The following PDE3A variants were observed in gnomAD, a reference collection of about 807,000 sequenced individuals.
The protein encoded by PDE3A is phosphodiesterase 3A, also known as cGMP-inhibited 3',5'-cyclic phosphodiesterase 3A.
A neutral mutation model predicts 98.3 loss-of-function variants in PDE3A; 43 were observed. The ratio of observed to expected loss-of-function variants is 0.44; its 90% CI spans 0.34 to 0.56. The LOEUF is 0.56. PDE3A is among the 20% of genes least tolerant of loss of function. PDE3A has a pLI of 0.01. For missense variants in PDE3A, 1,427 were observed against 1,440.7 expected (o/e 0.99, Z 0.15); for synonymous variants, 663 against 567.9 (o/e 1.17, Z -2.38).
intron 5 of PDE3A, among the ~76,000 whole-genome samples, chr12:20,623,255 A>G (rs1944178781): frequency 1.3e-5 from 2 of 151,326 alleles, no homozygotes; most frequent in African/African-American, 4.9e-5. Context: ...TACATGATAT[A>G]TGTAATCATA....
intron 1 of PDE3A, among the ~76,000 whole-genome samples, chr12:20,372,433 G>A (rs1268230272): frequency 3.3e-5 from 5 of 151,996 alleles, no homozygotes; most frequent in Admixed American, 2.6e-4. Context: ...TGTCACTGAA[G>A]ACTGGTTTTT....
chr12:20,649,569 T>C (rs1944867347), intron 13 of PDE3A, among the ~76,000 whole-genome samples: 1 of 152,166 alleles, frequency 6.6e-6, no homozygotes, highest in African/African-American at 2.4e-5. Flanking sequence ...ACCTCAAAAG[T>C]AAATGCCCAA....
chr12:20,553,133 A>G, intron 1 of PDE3A: 2 of 822,102 alleles, frequency 2.4e-6, no homozygotes, highest in Non-Finnish European at 3.7e-6. Flanking sequence ...TTCCCTAAAA[A>G]GGTTTGTCTT....
chr12:20,573,433 T>C (rs147250280), intron 2 of PDE3A, among the ~76,000 whole-genome samples: 50 of 151,646 alleles, frequency 3.3e-4, no homozygotes, highest in South Asian at 6.2e-4. Context: ...ATTATTATTA[T>C]ACCTTTACCT....
At position 20,449,754 on chromosome 12, in the gene PDE3A, G is replaced by GT. The variant is rs1591945057; in HGVS notation, c.960+79510_960+79511insT. 18 of 477,620 alleles carry GT rather than the reference G, an allele frequency of 3.8e-5. No homozygotes were observed. In the East Asian group the frequency reaches 5.5e-4, roughly 14 times the overall value. 29.6% of individuals were successfully genotyped at this position (477,620 alleles called of 1,614,324 possible). A position where few individuals can be genotyped will look rare whatever the true frequency, so the allele number is the denominator to read the frequency against. ...TCAGCCTGAAGTGGATGCTCAGGCT[G>GT]GGGGTCATTCACCAGTGCTGTGAGG... On this transcript the variant is annotated intron_variant, in intron 1 of 15. Coordinates refer to ENST00000359062, the MANE Select transcript of PDE3A (RefSeq NM_000921.5).
chr12:20,382,794 C>G (rs1360223074), intron 1 of PDE3A, among the ~76,000 whole-genome samples: 1 of 151,900 alleles, frequency 6.6e-6, no homozygotes, highest in African/African-American at 2.4e-5. Context: ...AAACACTGTG[C>G]CCAGCTGAAC....
intron 1 of PDE3A, among the ~76,000 whole-genome samples, chr12:20,442,912 C>A (rs540547881): frequency 1.3e-5 from 2 of 152,068 alleles, no homozygotes; most frequent in African/African-American, 2.4e-5. Context: ...AAAGCAGTGT[C>A]ACAGAAAATA....
intron 1 of PDE3A, among the ~76,000 whole-genome samples, chr12:20,477,019 T>A (rs1945542573): frequency 6.6e-6 from 1 of 152,184 alleles, no homozygotes; most frequent in African/African-American, 2.4e-5. Flanking sequence ...TGTTAACTAC[T>A]AATACTATTT....
chr12:20,646,762 G>A lies in PDE3A; in HGVS notation c.2377G>A (p.Gly793Arg). The A allele has an allele frequency of 6.2e-7, 1 of 1,602,486 alleles. No homozygotes were observed. ...GSTSDSDSDS[G>R]FTHGHMGYVF... The stretch of plus-strand genomic sequence containing the variant: ...TTTTCTCTTCTCAGATTCTGACAGT[G>A]GATTTACACATGGACATATGGGATA... Residue 793 changes from glycine to arginine, a missense_variant, in exon 12 of 16, where the codon GGA (glycine) becomes AGA (arginine). Physicochemically the swap from Gly to Arg is moderately radical, Grantham distance 125. This residue lies in a region of PDE3A where 273 missense variants were observed against 420.3 expected (regional missense o/e 0.65). Coordinates refer to ENST00000359062, the MANE Select transcript of PDE3A (RefSeq NM_000921.5).
At chr12:20,462,056 A>G (rs1289614485) in intron 1 of PDE3A, among the ~76,000 whole-genome samples, 2 of 152,188 alleles carry the variant, frequency 1.3e-5, no homozygotes, top group Non-Finnish European at 2.9e-5. Flanking sequence ...TGGCACCACC[A>G]AACAGGGTTA....
chr12:20,633,820 G>A (rs866448180), intron 7 of PDE3A, 42 bp downstream of exon 7: 2 of 1,234,822 alleles, frequency 1.6e-6, no homozygotes, highest in Middle Eastern at 1.9e-4. Context: ...AATGGAAATT[G>A]CCTTATTTTT....
chr12:20,503,924 A>T (rs982476402), intron 1 of PDE3A, among the ~76,000 whole-genome samples: 1 of 152,118 alleles, frequency 6.6e-6, no homozygotes, highest in African/African-American at 2.4e-5. Flanking sequence ...TTTTTGTTGA[A>T]AAAGAAAATA....
Position 20,653,987 on chromosome 12 carries a change from T to C in PDE3A, c.2966T>C (p.Phe989Ser). The C allele has an allele frequency of 6.2e-7, 1 of 1,614,156 alleles. No individual in the cohort carries two copies. Among genetic ancestry groups the C allele is most frequent in the Non-Finnish European group, 8.5e-7 (1 of 1,180,010 alleles). Residue 989 changes from phenylalanine to serine, a missense_variant, in exon 15 of 16, where the codon TTC (phenylalanine) becomes TCC (serine). By Grantham distance (155) the Phe-to-Ser change is radical. Around this residue, in one of 3 missense-constraint regions of PDE3A, gnomAD observed 273 missense variants for 420.3 expected, o/e 0.65. Coordinates refer to ENST00000359062, the MANE Select transcript of PDE3A (RefSeq NM_000921.5). ...EASLGLPISP[F>S]MDRSAPQLAN... ...AGCCTTGGATTACCCATAAGCCCCTTCATGGATCGTTCTGCTCCTCAGCTG... is the reference window on the plus strand; with the variant it reads ...AGCCTTGGATTACCCATAAGCCCCTCCATGGATCGTTCTGCTCCTCAGCTG...
chr12:20,588,413 G>A (rs1007275014), intron 2 of PDE3A, among the ~76,000 whole-genome samples: 8 of 152,140 alleles, frequency 5.3e-5, no homozygotes, highest in African/African-American at 1.7e-4. Context: ...AGCTTCAGAG[G>A]ACCATAAACT....
chr12:20,471,006 A>G (rs1945429829), intron 1 of PDE3A, among the ~76,000 whole-genome samples: 2 of 152,122 alleles, frequency 1.3e-5, no homozygotes, highest in Non-Finnish European at 2.9e-5. Flanking sequence ...GCAAGCCGTC[A>G]TTAGACACCA....
chr12:20,372,566 G>A (rs530690455), intron 1 of PDE3A, among the ~76,000 whole-genome samples: 132 of 152,206 alleles, frequency 8.7e-4, no homozygotes, highest in Non-Finnish European at 1.5e-3. Context: ...TGTGTGAAAA[G>A]TTCAGGAGCT....
At chr12:20,623,998 A>T (rs186970922) in intron 5 of PDE3A, among the ~76,000 whole-genome samples, 1 of 152,260 alleles carries the variant, frequency 6.6e-6, no homozygotes, top group African/African-American at 2.4e-5. Flanking sequence ...AAAATTTCAG[A>T]CAGTAATAAT....
intron 5 of PDE3A, among the ~76,000 whole-genome samples, chr12:20,626,958 T>C (rs1944275814): frequency 6.6e-6 from 1 of 152,136 alleles, no homozygotes; most frequent in Admixed American, 6.5e-5. Flanking sequence ...TTCCAAGAAC[T>C]CTAATGGTTG....
chr12:20,618,502 C>A lies in PDE3A; in HGVS notation c.1424+2118C>A, dbSNP rs573057612. Among the ~76,000 whole-genome samples, 409 of 152,040 alleles carry A rather than the reference C, an allele frequency of 2.7e-3. 1 individual carries two copies. Among genetic ancestry groups the A allele is most frequent in the Non-Finnish European group, 4.0e-3 (275 of 67,932 alleles). On this transcript the variant is annotated intron_variant, in intron 4 of 15. Coordinates refer to ENST00000359062, the MANE Select transcript of PDE3A (RefSeq NM_000921.5). The stretch of plus-strand genomic sequence containing the variant: ...TATATATACAGCTGGATAATTTACC[C>A]CTGGGTAATTTTAAATACAGTCTGG...
Sources: allele counts gnomAD v4.1 joint callset (sites outside exome capture counted in the v4.1 genomes callset), GRCh38; gene constraint gnomAD v4.1.1; regional missense constraint gnomAD v4.1.1; transcripts MANE v1.5; gene names NCBI Gene and HGNC (gene_info 2026-07-23, HGNC 2026-07-21).